The following GPC6 variants were observed in gnomAD, a reference collection of about 807,000 sequenced individuals.
The protein encoded by GPC6 is glypican 6.
GPC6 carries 14 observed loss-of-function variants against 55.2 expected under a neutral mutation model. The ratio of observed to expected loss-of-function variants is 0.25; its 90% CI spans 0.17 to 0.40. GPC6 has a LOEUF of 0.40. Among genes scored for constraint, GPC6 ranks in the 10% least tolerant of loss-of-function variants. The pLI is 1.00. For synonymous variants in GPC6, 278 were observed against 259.6 expected (o/e 1.07, Z -0.68); for missense variants, 641 against 708.5 (o/e 0.90, Z 1.08).
chr13:93,226,297 C>T (rs1333950338), upstream of GPC6, among the ~76,000 whole-genome samples: 2 of 152,058 alleles, frequency 1.3e-5, no homozygotes, highest in East Asian at 3.9e-4. Context: ...ATAATGATTT[C>T]TGATCGAAGG....
chr13:93,947,738 CT>C (rs986594670), intron 3 of GPC6, among the ~76,000 whole-genome samples: 22 of 147,664 alleles, frequency 1.5e-4, no homozygotes, highest in Admixed American at 2.0e-4. Context: ...CTCTTCAACG[CT>C]TTTTTTTTTC....
intron 4 of GPC6, among the ~76,000 whole-genome samples, chr13:94,040,228 A>T (rs1198316828): frequency 6.6e-6 from 1 of 151,800 alleles, no homozygotes; most frequent in Non-Finnish European, 1.5e-5. Context: ...AAAGGCATTC[A>T]TTTCCTTCAC....
At chr13:93,656,809 A>G (rs928027469) in intron 2 of GPC6, among the ~76,000 whole-genome samples, 1 of 152,112 alleles carries the variant, frequency 6.6e-6, no homozygotes, top group Admixed American at 6.6e-5. Flanking sequence ...TACACCAATA[A>G]CATCCAAGCT....
intron 2 of GPC6, among the ~76,000 whole-genome samples, chr13:93,748,754 A>G (rs1226640071): frequency 6.6e-6 from 1 of 152,106 alleles, no homozygotes; most frequent in Non-Finnish European, 1.5e-5. Context: ...TTTGTAGTGA[A>G]TATCTTTAGT....
At chr13:94,122,294 A>C (rs1022276835) in intron 4 of GPC6, among the ~76,000 whole-genome samples, 1 of 152,080 alleles carries the variant, frequency 6.6e-6, no homozygotes, top group East Asian at 1.9e-4. Context: ...ATGAAGTCTC[A>C]TTTGACTTCA....
At chr13:93,471,244 G>C (rs1192025420) in intron 1 of GPC6, among the ~76,000 whole-genome samples, 1 of 151,858 alleles carries the variant, frequency 6.6e-6, no homozygotes, top group Non-Finnish European at 1.5e-5. Context: ...GCCGGGTGCA[G>C]TGGCTCATGC....
At chr13:93,551,202 T>G (rs752596120) in intron 2 of GPC6, among the ~76,000 whole-genome samples, 1 of 152,136 alleles carries the variant, frequency 6.6e-6, no homozygotes, top group Non-Finnish European at 1.5e-5. Flanking sequence ...TTACCATTGA[T>G]TTTATTTTCA....
At chr13:94,005,706 A>G (rs929424101) in intron 3 of GPC6, among the ~76,000 whole-genome samples, 2 of 152,206 alleles carry the variant, frequency 1.3e-5, no homozygotes, top group Non-Finnish European at 2.9e-5. Flanking sequence ...TGGCCAAAAT[A>G]TGCAGCTACA....
chr13:94,005,204 T>C (rs1459051809), intron 3 of GPC6, among the ~76,000 whole-genome samples: 1 of 152,220 alleles, frequency 6.6e-6, no homozygotes, highest in Non-Finnish European at 1.5e-5. Context: ...TGAAATTGAA[T>C]TTTATTAAGA....
chr13:94,163,456 C>A (rs1888239856), intron 4 of GPC6, among the ~76,000 whole-genome samples: 1 of 151,938 alleles, frequency 6.6e-6, no homozygotes, highest in South Asian at 2.1e-4. Context: ...TTTAAAAAAA[C>A]AATAACCAAA....
At chr13:94,296,991 T>G (rs1875369325) in intron 5 of GPC6, among the ~76,000 whole-genome samples, 1 of 152,164 alleles carries the variant, frequency 6.6e-6, no homozygotes, top group African/African-American at 2.4e-5. Flanking sequence ...ACATTAATAA[T>G]GTGTTTATTA....
At chr13:94,090,855 C>T (rs1176042374) in intron 4 of GPC6, among the ~76,000 whole-genome samples, 2 of 152,106 alleles carry the variant, frequency 1.3e-5, no homozygotes, top group Non-Finnish European at 2.9e-5. Context: ...TGTCACCCCT[C>T]ACCTGCCAAT....
At chr13:93,643,888 C>T (rs1434835467) in intron 2 of GPC6, among the ~76,000 whole-genome samples, 1 of 152,052 alleles carries the variant, frequency 6.6e-6, no homozygotes, top group African/African-American at 2.4e-5. Flanking sequence ...TGATGCTTTC[C>T]CAGGCATTCA....
At chr13:94,286,565 T>A in intron 5 of GPC6, 86 bp downstream of exon 5, 1 of 1,213,218 alleles carries the variant, frequency 8.2e-7, no homozygotes, top group Non-Finnish European at 1.2e-6. Context: ...ATATGTCGGC[T>A]GGGCTTATAA....
intron 2 of GPC6, among the ~76,000 whole-genome samples, chr13:93,790,705 A>G (rs1297203570): frequency 6.6e-6 from 1 of 152,214 alleles, no homozygotes; most frequent in African/African-American, 2.4e-5. Flanking sequence ...AGTAAGACAC[A>G]GTCCTAAAAT....
intron 3 of GPC6, among the ~76,000 whole-genome samples, chr13:93,952,922 C>T (rs758532698): frequency 8.8e-5 from 13 of 147,312 alleles, no homozygotes; most frequent in Admixed American, 2.7e-4. Flanking sequence ...TATATATACA[C>T]GTATATATAT....
chr13:94,316,937 G>A lies in GPC6; in HGVS notation c.1152+10814G>A, dbSNP rs1876571112. The stretch of plus-strand genomic sequence containing the variant: ...GCAAATCAAATTGTTCTCCCTTTCT[G>A]TCTCTTTCATACATCATCATTTAAA... On this transcript the variant is annotated intron_variant, in intron 6 of 8. Coordinates refer to ENST00000377047, the MANE Select transcript of GPC6 (RefSeq NM_005708.5). 2.0e-5 allele frequency among the ~76,000 whole-genome samples: 3 copies of A among 152,138 alleles called. No homozygotes were observed. The South Asian group carries it at 6.2e-4, about 32-fold the overall frequency.
chr13:93,820,994 ATAAT>A (rs1413310229), intron 2 of GPC6, among the ~76,000 whole-genome samples: 7 of 152,204 alleles, frequency 4.6e-5, no homozygotes, highest in Non-Finnish European at 1.0e-4. Flanking sequence ...TGGCAGACTA[ATAAT>A]TAAACTGTCT....
intron 4 of GPC6, among the ~76,000 whole-genome samples, chr13:94,038,772 G>C (rs1378832525): frequency 1.3e-5 from 2 of 151,894 alleles, no homozygotes; most frequent in Non-Finnish European, 2.9e-5. Context: ...GGTATGAACA[G>C]AAAGTAGAAA....
Sources: gnomAD v4.1 joint callset for allele counts (sites outside exome capture counted in the v4.1 genomes callset) on GRCh38, gnomAD v4.1.1 for gene constraint, MANE v1.5 for transcripts, NCBI Gene and HGNC (gene_info 2026-07-23, HGNC 2026-07-21) for gene names.